The following GLIS1 variants were observed in gnomAD, a reference collection of about 807,000 sequenced individuals.
GLIS1 encodes the protein GLIS family zinc finger 1.
GLIS1 carries 24 observed loss-of-function variants against 63.8 expected under a neutral mutation model. The observed-to-expected ratio is 0.38, with a 90% CI of 0.27 to 0.53. The LOEUF (loss-of-function observed/expected upper bound fraction) is 0.53. Among genes scored for constraint, GLIS1 ranks in the 20% least tolerant of loss-of-function variants. GLIS1 has a pLI of 0.85. For synonymous variants in GLIS1, 450 were observed against 482.5 expected (o/e 0.93, Z 0.88); for missense variants, 1,036 against 1,074.1 (o/e 0.96, Z 0.50).
At chr1:53,530,253 G>C (rs922222162) in intron 4 of GLIS1, among the ~76,000 whole-genome samples, 1 of 152,236 alleles carries the variant, frequency 6.6e-6, no homozygotes, top group South Asian at 2.1e-4. Context: ...ATCTGGAAAC[G>C]AGGCACTTGC....
At chr1:53,726,617 A>G (rs1206310812) in intron 2 of GLIS1, among the ~76,000 whole-genome samples, 1 of 152,022 alleles carries the variant, frequency 6.6e-6, no homozygotes, top group Non-Finnish European at 1.5e-5. Flanking sequence ...CCCTCATCCT[A>G]CTGGACACCA....
chr1:53,700,644 G>C (rs1646513806), intron 2 of GLIS1, among the ~76,000 whole-genome samples: 2 of 152,296 alleles, frequency 1.3e-5, no homozygotes, highest in South Asian at 4.2e-4. Context: ...CATATCACAA[G>C]ATTCACCCTT....
chr1:53,566,368 T>G (rs1471018252), intron 4 of GLIS1, among the ~76,000 whole-genome samples: 1 of 152,164 alleles, frequency 6.6e-6, no homozygotes, highest in Non-Finnish European at 1.5e-5. Flanking sequence ...CTATTGGAAC[T>G]AATAAGCAAT....
chr1:53,700,691 G>C lies in GLIS1; in HGVS notation c.259+37115C>G, dbSNP rs78679185. ...TATTTAGTGGTTCTTACCGTATTCA[G>C]AGAGGTGTGCACCCATCACCACTAT... On this transcript the variant is annotated intron_variant, in intron 2 of 10. Coordinates refer to ENST00000628545, the MANE Select transcript of GLIS1 (RefSeq NM_001367484.1). Among the ~76,000 whole-genome samples, 318 of 152,262 alleles carry C rather than the reference G, an allele frequency of 2.1e-3. 3 individuals carry two copies. Among genetic ancestry groups the C allele is most frequent in the African/African-American group, 7.0e-3 (291 of 41,536 alleles).
chr1:53,708,213 G>A (rs907725504), intron 2 of GLIS1, among the ~76,000 whole-genome samples: 27 of 152,186 alleles, frequency 1.8e-4, no homozygotes, highest in African/African-American at 6.0e-4. Flanking sequence ...AACCCAGGAG[G>A]CAGAGCTTGC....
intron 2 of GLIS1, among the ~76,000 whole-genome samples, chr1:53,720,048 C>T (rs111434267): frequency 0.017 from 2,517 of 152,146 alleles, 70 homozygotes; most frequent in African/African-American, 0.054. Context: ...TGGTGGCATG[C>T]GCCTGTAATC....
chr1:53,651,630 C>T (rs1645908366), intron 2 of GLIS1, among the ~76,000 whole-genome samples: 1 of 152,166 alleles, frequency 6.6e-6, no homozygotes, highest in South Asian at 2.1e-4. Context: ...AATTCCAGCA[C>T]TCTGGGAGGT....
At chr1:53,599,618 G>A (rs1343718548) in intron 3 of GLIS1, among the ~76,000 whole-genome samples, 3 of 152,258 alleles carry the variant, frequency 2.0e-5, no homozygotes, top group Admixed American at 2.0e-4. Flanking sequence ...GTAGGAGGCG[G>A]GCGTCAGCCC....
At chr1:53,736,279 TA>T (rs1351361272) in intron 2 of GLIS1, among the ~76,000 whole-genome samples, 4 of 152,084 alleles carry the variant, frequency 2.6e-5, no homozygotes, top group Non-Finnish European at 5.9e-5. Context: ...TAACTGGGGT[TA>T]GGGGGAATGG....
At chr1:53,704,169 G>A (rs1169257244) in intron 2 of GLIS1, among the ~76,000 whole-genome samples, 2 of 152,238 alleles carry the variant, frequency 1.3e-5, no homozygotes, top group Non-Finnish European at 2.9e-5. Flanking sequence ...CCACTTGGAA[G>A]AAATGTTTGC....
At chr1:53,730,655 T>C (rs1383021473) in intron 2 of GLIS1, among the ~76,000 whole-genome samples, 2 of 152,126 alleles carry the variant, frequency 1.3e-5, no homozygotes, top group Admixed American at 1.3e-4. Flanking sequence ...TTCACTCCCC[T>C]TCAGACACAG....
chr1:53,541,152 T>G (rs576639452), intron 4 of GLIS1, among the ~76,000 whole-genome samples: 1 of 152,096 alleles, frequency 6.6e-6, no homozygotes, highest in South Asian at 2.1e-4. Context: ...GGACTCTGCT[T>G]AGTAGCAGGA....
chr1:53,596,665 T>C (rs1190914447), intron 3 of GLIS1, among the ~76,000 whole-genome samples: 1 of 152,146 alleles, frequency 6.6e-6, no homozygotes, highest in African/African-American at 2.4e-5. Flanking sequence ...GTCCCTCAGT[T>C]TCCCAAGATG....
intron 2 of GLIS1, among the ~76,000 whole-genome samples, chr1:53,657,047 A>G (rs1645973781): frequency 1.3e-5 from 2 of 152,278 alleles, no homozygotes; most frequent in African/African-American, 4.8e-5. Context: ...TTGACAAAGG[A>G]GACATCACTC....
chr1:53,699,591 T>G (rs1190200299), intron 2 of GLIS1, among the ~76,000 whole-genome samples: 1 of 152,236 alleles, frequency 6.6e-6, no homozygotes, highest in Non-Finnish European at 1.5e-5. Flanking sequence ...TTTTGGATTT[T>G]GGAGCATTTC....
intron 10 of GLIS1, among the ~76,000 whole-genome samples, chr1:53,508,711 TC>T (rs1433683498): frequency 6.6e-6 from 1 of 152,108 alleles, no homozygotes; most frequent in Non-Finnish European, 1.5e-5. Context: ...CCAGGTTCTG[TC>T]CCCGCCTAAT....
At position 53,722,899 on chromosome 1, in the gene GLIS1, G is replaced by A. The variant is rs563802451; in HGVS notation, c.259+14907C>T. 4.0e-5 allele frequency among the ~76,000 whole-genome samples: 6 copies of A among 151,610 alleles called. No individual in the cohort carries two copies. In the East Asian group the frequency reaches 5.8e-4, roughly 15 times the overall value. ...TGTAATCCCAGCACTTTGGGAGGCC[G>A]AGGCGGGTGGATCACCTGAGGTCAG... On this transcript the variant is annotated intron_variant, in intron 2 of 10. Transcript: ENST00000628545.
rs540331671 is a variant in GLIS1, at chr1:53,541,257, A to G, written c.1321-11305T>C. Among the ~76,000 whole-genome samples the G allele has an allele frequency of 2.6e-5, 4 of 152,348 alleles. No individual in the cohort carries two copies. The South Asian group carries it at 8.3e-4, about 32-fold the overall frequency. ...CTCATCAGGGCTGCTCAGAGGGTGC[A>G]AATAGTTCCTAAGGTTACCTTCAGG... On this transcript the variant is annotated intron_variant, in intron 4 of 10. Coordinates refer to ENST00000628545, the MANE Select transcript of GLIS1 (RefSeq NM_001367484.1).
intron 4 of GLIS1, among the ~76,000 whole-genome samples, chr1:53,547,586 G>A (rs796845375): frequency 4.6e-5 from 7 of 152,324 alleles, no homozygotes; most frequent in South Asian, 4.1e-4. Flanking sequence ...CCTCCAGAAC[G>A]TCACCAATGG....
Sources: gnomAD v4.1 joint callset for allele counts (sites outside exome capture counted in the v4.1 genomes callset) on GRCh38, gnomAD v4.1.1 for gene constraint, MANE v1.5 for transcripts, NCBI Gene and HGNC (gene_info 2026-07-23, HGNC 2026-07-21) for gene names.